The following CCSER1 variants were observed in gnomAD, a reference collection of about 807,000 sequenced individuals.
The protein encoded by CCSER1 is serine-rich coiled-coil domain-containing protein 1.
A neutral mutation model predicts 82.0 loss-of-function variants in CCSER1; 41 were observed. That is an observed-to-expected ratio of 0.50 (90% CI 0.39 to 0.65). The LOEUF is 0.65. Among genes scored for constraint, CCSER1 ranks in the 30% least tolerant of loss-of-function variants. The probability of loss-of-function intolerance (pLI) is 0.00; values close to 1 mark genes in which losing one functional copy is unlikely to be tolerated. For synonymous variants in CCSER1, 414 were observed against 383.9 expected, an observed-to-expected ratio of 1.08 and a Z score of -0.92; for missense variants, 1,119 against 1,064.2, an observed-to-expected ratio of 1.05 and a Z score of -0.72.
chr4:90,362,476 C>T (rs4693238), intron 3 of CCSER1, among the ~76,000 whole-genome samples: 1 of 152,040 alleles, frequency 6.6e-6, no homozygotes, highest in Non-Finnish European at 1.5e-5. Context: ...TACATAAATT[C>T]TTTCCTTTAG....
intron 3 of CCSER1, among the ~76,000 whole-genome samples, chr4:90,377,613 T>G (rs1208793146): frequency 1.3e-5 from 2 of 152,118 alleles, no homozygotes; most frequent in African/African-American, 4.8e-5. Context: ...GAGATTCAAT[T>G]AAACAAAATA....
chr4:90,690,307 C>T (rs535200596), intron 6 of CCSER1, among the ~76,000 whole-genome samples: 8 of 152,080 alleles, frequency 5.3e-5, no homozygotes, highest in Admixed American at 2.0e-4. Flanking sequence ...AATGAAGAGA[C>T]ATTTTAAATG....
At chr4:91,186,846 C>G (rs941558077) in intron 10 of CCSER1, among the ~76,000 whole-genome samples, 2 of 152,222 alleles carry the variant, frequency 1.3e-5, no homozygotes, top group Non-Finnish European at 1.5e-5. Context: ...TTAAGAATGC[C>G]TTTAAGCAGT....
At chr4:91,070,957 T>C (rs984111080) in intron 9 of CCSER1, among the ~76,000 whole-genome samples, 12 of 152,194 alleles carry the variant, frequency 7.9e-5, no homozygotes, top group Non-Finnish European at 4.4e-5. Flanking sequence ...CTTAAAATTA[T>C]AGAAGAAATA....
chr4:90,224,497 A>C (rs1397453519), intron 1 of CCSER1, among the ~76,000 whole-genome samples: 1 of 152,156 alleles, frequency 6.6e-6, no homozygotes, highest in Non-Finnish European at 1.5e-5. Context: ...TTTGTTCATC[A>C]CCTGTGTTTA....
intron 10 of CCSER1, among the ~76,000 whole-genome samples, chr4:91,122,148 C>T (rs1581597209): frequency 6.6e-6 from 1 of 151,642 alleles, no homozygotes; most frequent in South Asian, 2.1e-4. Context: ...GGAAAAGATG[C>T]TTGTCTTTAA....
intron 6 of CCSER1, among the ~76,000 whole-genome samples, chr4:90,632,275 A>AT (rs942541686): frequency 1.2e-4 from 18 of 152,082 alleles, no homozygotes; most frequent in African/African-American, 4.3e-4. Flanking sequence ...CTCATTCCAG[A>AT]TTTTTTTAAA....
At chr4:91,077,324 G>T (rs1195945463) in intron 9 of CCSER1, among the ~76,000 whole-genome samples, 1 of 152,128 alleles carries the variant, frequency 6.6e-6, no homozygotes, top group Non-Finnish European at 1.5e-5. Context: ...TTAACTGCCT[G>T]CCAGGAACAA....
intron 6 of CCSER1, among the ~76,000 whole-genome samples, chr4:90,649,880 G>A (rs1363861806): frequency 6.6e-6 from 1 of 152,166 alleles, no homozygotes; most frequent in African/African-American, 2.4e-5. Context: ...GCAGAGGTGG[G>A]TGGATCACGA....
rs114299240 is a variant in CCSER1, at chr4:90,915,370, C to G, written c.2095-8000C>G. Among the ~76,000 whole-genome samples, 1,402 of 152,240 alleles carry G rather than the reference C, an allele frequency of 9.2e-3. 25 individuals are homozygous for G. Among genetic ancestry groups the G allele is most frequent in the African/African-American group, 0.031 (1,276 of 41,542 alleles). On this transcript the variant is annotated intron_variant, in intron 8 of 10. Coordinates refer to ENST00000509176, the MANE Select transcript of CCSER1 (RefSeq NM_001145065.2). ...GTGAGGCGGTTCAGCATACGCAAAC[C>G]AATAAACGTAACCCAGCATATAAAC...
intron 5 of CCSER1, among the ~76,000 whole-genome samples, chr4:90,530,608 G>A (rs2153630062): frequency 6.6e-6 from 1 of 152,244 alleles, no homozygotes; most frequent in Non-Finnish European, 1.5e-5. Context: ...GAACTGTGGT[G>A]CCACCCATTT....
chr4:91,385,262 G>A (rs1037177029), intron 10 of CCSER1, among the ~76,000 whole-genome samples: 3 of 151,994 alleles, frequency 2.0e-5, no homozygotes, highest in African/African-American at 7.2e-5. Flanking sequence ...AGATATTTAT[G>A]AAAGGTATGG....
chr4:90,911,624 G>C (rs10212805), intron 8 of CCSER1, among the ~76,000 whole-genome samples: 81,442 of 151,910 alleles, frequency 0.54, 23,579 homozygotes, highest in African/African-American at 0.77. Flanking sequence ...GATTGTCAGA[G>C]AGTGGGTGCA....
intron 5 of CCSER1, among the ~76,000 whole-genome samples, chr4:90,624,402 G>GA (rs33968911): frequency 0.28 from 42,774 of 151,710 alleles, 6,284 homozygotes; most frequent in East Asian, 0.36. Flanking sequence ...AGCTAAGTGA[G>GA]AAAAAAAATC....
At chr4:91,339,711 C>G (rs374556872) in intron 10 of CCSER1, among the ~76,000 whole-genome samples, 6 of 152,130 alleles carry the variant, frequency 3.9e-5, no homozygotes, top group Non-Finnish European at 5.9e-5. Context: ...ACAGCTCTCC[C>G]CCTCTTCTCT....
chr4:90,708,523 C>G (rs1739848245), intron 6 of CCSER1, among the ~76,000 whole-genome samples: 1 of 152,100 alleles, frequency 6.6e-6, no homozygotes, highest in African/African-American at 2.4e-5. Flanking sequence ...GTGTTCCTAC[C>G]CATCCTCAGA....
intron 5 of CCSER1, among the ~76,000 whole-genome samples, chr4:90,486,287 A>T (rs550614773): frequency 1.3e-5 from 2 of 152,118 alleles, no homozygotes; most frequent in Non-Finnish European, 2.9e-5. Context: ...TTAACCTCTT[A>T]TGTATAGGTT....
chr4:90,355,600 A>T (rs549339608), intron 3 of CCSER1, among the ~76,000 whole-genome samples: 1 of 152,126 alleles, frequency 6.6e-6, no homozygotes, highest in African/African-American at 2.4e-5. Context: ...TACATAGGGA[A>T]GCTGAGATAG....
At chr4:90,932,990 A>AAGAAAGAAAGAGAG (rs1561385287) in intron 9 of CCSER1, among the ~76,000 whole-genome samples, 1 of 48,490 alleles carries the variant, frequency 2.1e-5, no homozygotes, top group Non-Finnish European at 3.9e-5. Flanking sequence ...AAGAGAAAGA[A>AAGAAAGAAAGAGAG]AGAAAGAAAG....
Sources: allele counts gnomAD v4.1 joint callset (sites outside exome capture counted in the v4.1 genomes callset), GRCh38; gene constraint gnomAD v4.1.1; transcripts MANE v1.5; gene names NCBI Gene and HGNC (gene_info 2026-07-23, HGNC 2026-07-21).